The following MCCC1 variants were observed in gnomAD, a reference collection of about 807,000 sequenced individuals.
MCCC1 encodes the protein methylcrotonyl-CoA carboxylase subunit 1.
MCCC1 carries 64 observed loss-of-function variants against 83.8 expected under a neutral mutation model. The ratio of observed to expected loss-of-function variants is 0.76; its 90% confidence interval spans 0.62 to 0.94. The LOEUF is 0.94. Among genes scored for constraint, MCCC1 ranks in the 40% least tolerant of loss-of-function variants. MCCC1 has a pLI of 0.00. For missense variants in MCCC1, 807 were observed against 904.7 expected (o/e 0.89, Z 1.39); for synonymous variants, 322 against 315.4 (o/e 1.02, Z -0.22).
intron 18 of MCCC1, among the ~76,000 whole-genome samples, chr3:183,016,900 TAATACCAACAGTTAACATTAGAA>T (rs972337350): frequency 1.3e-5 from 2 of 152,240 alleles, no homozygotes; most frequent in Admixed American, 6.5e-5. Context: ...AGAACCAAGA[TAATACCAACAGTTAACATTAGAA>T]AATACCAACA....
intron 9 of MCCC1, among the ~76,000 whole-genome samples, chr3:183,050,069 T>C (rs750908944): frequency 6.6e-6 from 1 of 151,626 alleles, no homozygotes; most frequent in Non-Finnish European, 1.5e-5. Flanking sequence ...GCAGTGAGCA[T>C]AGGCCAGGTA....
chr3:183,065,260 G>A (rs1018917498), intron 7 of MCCC1, among the ~76,000 whole-genome samples: 11 of 151,776 alleles, frequency 7.2e-5, no homozygotes, highest in African/African-American at 2.4e-4. Flanking sequence ...GTATGTCCTT[G>A]GGAGCTTGAC....
intron 15 of MCCC1, among the ~76,000 whole-genome samples, chr3:183,025,391 A>G (rs1257368989): frequency 2.0e-5 from 3 of 152,258 alleles, no homozygotes; most frequent in African/African-American, 7.2e-5. Flanking sequence ...AACACAAACC[A>G]AAGTGCTCTG....
At chr3:183,101,829 A>G (rs1719313647), upstream of MCCC1, among the ~76,000 whole-genome samples, 3 of 152,012 alleles carry the variant, frequency 2.0e-5, no homozygotes, top group South Asian at 6.2e-4. Flanking sequence ...CTGCAGCTTC[A>G]CTCCTGAGCC....
chr3:183,099,456 C>T lies in MCCC1; in HGVS notation c.-16G>A. On this transcript the variant is annotated 5_prime_UTR_variant, in exon 1 of 19. Transcript: ENST00000265594. ...CCGCCGCCATGTCCCTGGAGCCCGG[C>T]CACTCCGTGACTCCCCAGTACAGAG... 1.3e-6 allele frequency: 2 copies of T among 1,597,278 alleles called. No individual in the cohort carries two copies. Among genetic ancestry groups the T allele is most frequent in the South Asian group, 1.1e-5 (1 of 88,670 alleles).
At chr3:183,085,062 T>A (rs1414353926) in intron 4 of MCCC1, among the ~76,000 whole-genome samples, 1 of 152,036 alleles carries the variant, frequency 6.6e-6, no homozygotes, top group African/African-American at 2.4e-5. Flanking sequence ...AAGCACTAAT[T>A]AAGTATAAAT....
At chr3:183,037,786 C>T (rs370763759) in intron 12 of MCCC1, among the ~76,000 whole-genome samples, 7 of 152,124 alleles carry the variant, frequency 4.6e-5, no homozygotes, top group East Asian at 1.9e-4. Context: ...TGCAAGGTAT[C>T]GAAGACTTGC....
intron 10 of MCCC1, among the ~76,000 whole-genome samples, chr3:183,043,977 G>C (rs987493634): frequency 6.6e-5 from 10 of 152,102 alleles, no homozygotes; most frequent in African/African-American, 2.2e-4. Context: ...AAACTTACCA[G>C]CTTGCTGTGC....
intron 13 of MCCC1, among the ~76,000 whole-genome samples, chr3:183,036,220 C>T (rs1035526546): frequency 6.6e-6 from 1 of 152,062 alleles, no homozygotes; most frequent in African/African-American, 2.4e-5. Context: ...GGATGCAATG[C>T]ATATGTGTGG....
chr3:183,048,600 T>C (rs1386303018), intron 9 of MCCC1, among the ~76,000 whole-genome samples: 1 of 152,162 alleles, frequency 6.6e-6, no homozygotes, highest in African/African-American at 2.4e-5. Context: ...AAAATATATG[T>C]AGCAAAAAAG....
chr3:183,034,006 TA>T lies in MCCC1; in HGVS notation c.1665del (p.Asp557MetfsTer6). The T allele has an allele frequency of 6.2e-7, 1 of 1,606,338 alleles. No individual in the cohort carries two copies. The highest frequency in any genetic ancestry group is 8.5e-7 in the Non-Finnish European group (1 of 1,173,712). On this transcript the variant is annotated frameshift_variant, in exon 14 of 19. Coordinates refer to ENST00000265594, the MANE Select transcript of MCCC1 (RefSeq NM_020166.5). LOFTEE classifies it high-confidence loss of function. ...CATTACTTACTGTTTTTACCATCTT[TA>T]AGAGTCATGTTTCTGGTATACGAGA... Reference protein sequence around the residue: ...LNISYTRNMTLKDGKNNVAIA... With the variant: ...LNISYTRNMTXKDGKNNVAIA...
chr3:183,111,084 G>GT (rs1719485767), intron 1 of MCCC1, among the ~76,000 whole-genome samples: 1 of 152,106 alleles, frequency 6.6e-6, no homozygotes, highest in African/African-American at 2.4e-5. Context: ...CAGGACTGCT[G>GT]TTTGCTTGTG....
intron 1 of MCCC1, among the ~76,000 whole-genome samples, chr3:183,105,042 T>C (rs972851045): frequency 3.3e-5 from 5 of 152,208 alleles, no homozygotes; most frequent in Admixed American, 3.3e-4. Context: ...TTAAAGAAAC[T>C]AATTAAATAA....
intron 7 of MCCC1, among the ~76,000 whole-genome samples, chr3:183,065,090 C>A (rs1040856063): frequency 2.0e-5 from 3 of 152,090 alleles, no homozygotes; most frequent in Non-Finnish European, 2.9e-5. Flanking sequence ...GCATGTCTTT[C>A]TGAATTGTTC....
intron 18 of MCCC1, among the ~76,000 whole-genome samples, chr3:183,016,576 T>C (rs553638406): frequency 6.6e-6 from 1 of 152,304 alleles, no homozygotes; most frequent in Non-Finnish European, 1.5e-5. Flanking sequence ...AGATTGCAAT[T>C]CAATGGGTCT....
At position 183,045,515 on chromosome 3, in the gene MCCC1, T is replaced by G; in HGVS notation, c.981A>C (p.Ser327=). ...TCTCCATGAAACAGAAATTATGTTT[T>G]GAGTCCATAATAAACTCCACAGTCC... The part of the protein sequence containing the change: ...GAGTVEFIMD[S]KHNFCFMEMN... Residue 327 remains serine (S), a synonymous_variant, in exon 10 of 19, where the codon TCA becomes TCC. Coordinates refer to ENST00000265594, the MANE Select transcript of MCCC1 (RefSeq NM_020166.5). 6.2e-7 allele frequency: 1 copy of G among 1,614,126 alleles called. No individual in the cohort carries two copies. Among genetic ancestry groups the G allele is most frequent in the Non-Finnish European group, 8.5e-7 (1 of 1,179,956 alleles).
intron 5 of MCCC1, 42 bp downstream of exon 5, chr3:183,072,324 T>C: frequency 6.2e-7 from 1 of 1,610,224 alleles, no homozygotes; most frequent in East Asian, 2.2e-5. Flanking sequence ...CTATTTCAAC[T>C]GACCTTCATA....
intron 1 of MCCC1, among the ~76,000 whole-genome samples, chr3:183,104,605 T>C (rs1241077509): frequency 6.6e-6 from 1 of 152,100 alleles, no homozygotes; most frequent in African/African-American, 2.4e-5. Flanking sequence ...TTCCTTAATA[T>C]ATAAAGAACT....
intron 2 of MCCC1, 97 bp from the exon 3 acceptor site, chr3:183,092,642 G>A: frequency 1.3e-6 from 2 of 1,509,026 alleles, no homozygotes; most frequent in South Asian, 2.3e-5. Context: ...GGACTCGACT[G>A]ATAAGTTCAA....
Sources: allele counts gnomAD v4.1 joint callset (sites outside exome capture counted in the v4.1 genomes callset), GRCh38; gene constraint gnomAD v4.1.1; transcripts MANE v1.5; gene names NCBI Gene and HGNC (gene_info 2026-07-23, HGNC 2026-07-21).